The following B3GAT2 variants were observed in gnomAD, a reference collection of about 807,000 sequenced individuals.
B3GAT2 encodes beta-1,3-glucuronyltransferase 2, also known as galactosylgalactosylxylosylprotein 3-beta-glucuronosyltransferase 2.
Under a neutral mutation model 27.8 loss-of-function variants are expected in B3GAT2, and 26 were observed. The ratio of observed to expected loss-of-function variants is 0.93; its 90% CI spans 0.68 to 1.30. The LOEUF (loss-of-function observed/expected upper bound fraction) is 1.30, where lower values mean the gene tolerates loss of function less well. B3GAT2 is among the 50% of genes most tolerant of loss of function. The probability of loss-of-function intolerance (pLI) is 0.00; values close to 1 mark genes in which losing one functional copy is unlikely to be tolerated. For synonymous variants in B3GAT2, 218 were observed against 195.1 expected, an observed-to-expected ratio of 1.12 and a Z score of -0.98; for missense variants, 458 against 459.0, an observed-to-expected ratio of 1.00 and a Z score of 0.02.
intron 2 of B3GAT2, among the ~76,000 whole-genome samples, chr6:70,864,060 C>T (rs1288940957): frequency 7.5e-6 from 1 of 134,006 alleles, no homozygotes; most frequent in African/African-American, 2.7e-5. Context: ...TAAGCTTTAT[C>T]CTTTTTTTTT....
At chr6:70,943,649 C>T (rs552691472) in intron 1 of B3GAT2, among the ~76,000 whole-genome samples, 21 of 152,028 alleles carry the variant, frequency 1.4e-4, no homozygotes, top group Admixed American at 1.3e-4. Context: ...CACAAGAATA[C>T]GTAGTTTAAA....
intron 1 of B3GAT2, among the ~76,000 whole-genome samples, chr6:70,946,098 G>T (rs1765478565): frequency 1.3e-5 from 2 of 152,048 alleles, no homozygotes; most frequent in African/African-American, 4.8e-5. Flanking sequence ...GGCACAACCG[G>T]TACCAGCCAC....
Position 70,857,042 on chromosome 6 carries a change from T to C in B3GAT2, c.*4621A>G. 12 of 1,590,486 alleles carry C rather than the reference T, an allele frequency of 7.5e-6. No homozygotes were observed. Among genetic ancestry groups the C allele is most frequent in the Non-Finnish European group, 1.0e-5 (12 of 1,168,068 alleles). The stretch of plus-strand genomic sequence containing the variant: ...GCAAAGTACTCCTGGTAATGAATTT[T>C]GATATCTGCTTTCAGTGACATTACT... On this transcript the variant is annotated 3_prime_UTR_variant, in exon 4 of 4. Transcript: ENST00000230053.
At chr6:70,899,734 A>C (rs550196425) in intron 1 of B3GAT2, among the ~76,000 whole-genome samples, 2 of 152,310 alleles carry the variant, frequency 1.3e-5, no homozygotes, top group East Asian at 3.9e-4. Context: ...AGCTATTTAC[A>C]GAACTTCTTC....
At position 70,956,953 on chromosome 6, in the gene B3GAT2, G is replaced by C. The variant is rs1272266997; in HGVS notation, c.-524C>G. The C allele has an allele frequency of 9.9e-7, 1 of 1,014,286 alleles. No homozygotes were observed. The highest frequency in any genetic ancestry group is 1.2e-6 in the Non-Finnish European group (1 of 849,424). 62.8% of individuals were successfully genotyped at this position (1,014,286 alleles called of 1,614,324 possible). A position where few individuals can be genotyped will look rare whatever the true frequency, so the allele number is the denominator to read the frequency against. ...CATTCCCGCCGGGGTGGCGAGGAGC[G>C]GGTGGAGACGCTGGGGGTTGTGTCC... On this transcript the variant is annotated 5_prime_UTR_variant, in exon 1 of 4. Coordinates refer to ENST00000230053, the MANE Select transcript of B3GAT2 (RefSeq NM_080742.3).
intron 1 of B3GAT2, among the ~76,000 whole-genome samples, chr6:70,944,341 G>A (rs1765441856): frequency 6.6e-6 from 1 of 152,120 alleles, no homozygotes; most frequent in Non-Finnish European, 1.5e-5. Context: ...GGGTGACAGA[G>A]GGCACCTGGA....
chr6:70,880,915 T>A (rs1415216296), intron 2 of B3GAT2, among the ~76,000 whole-genome samples: 2 of 152,164 alleles, frequency 1.3e-5, no homozygotes, highest in Non-Finnish European at 1.5e-5. Context: ...ACGATTCTCC[T>A]GCCTTCGCCT....
At chr6:70,928,263 C>A (rs1772997019) in intron 1 of B3GAT2, among the ~76,000 whole-genome samples, 1 of 151,648 alleles carries the variant, frequency 6.6e-6, no homozygotes, top group African/African-American at 2.4e-5. Flanking sequence ...CCTAACATCA[C>A]AATTAAAAGA....
At chr6:70,867,470 C>G (rs1471129299) in intron 2 of B3GAT2, among the ~76,000 whole-genome samples, 1 of 152,028 alleles carries the variant, frequency 6.6e-6, no homozygotes, top group East Asian at 1.9e-4. Context: ...AAATTACCAG[C>G]CTCAGAAATG....
At chr6:70,879,585 C>T (rs1452045696) in intron 2 of B3GAT2, among the ~76,000 whole-genome samples, 2 of 152,166 alleles carry the variant, frequency 1.3e-5, no homozygotes, top group Non-Finnish European at 2.9e-5. Context: ...TGATCTGCAT[C>T]TTAGAGTCAT....
chr6:70,914,975 C>T (rs1053944559), intron 1 of B3GAT2, among the ~76,000 whole-genome samples: 17 of 152,258 alleles, frequency 1.1e-4, no homozygotes, highest in African/African-American at 4.1e-4. Context: ...CTTGAGGAAT[C>T]GCCACACTGT....
intron 2 of B3GAT2, among the ~76,000 whole-genome samples, chr6:70,891,748 T>C (rs1046801374): frequency 1.5e-4 from 21 of 144,646 alleles, no homozygotes; most frequent in African/African-American, 4.9e-4. Flanking sequence ...AGAGCTCAGA[T>C]TGTGTGTGTG....
At chr6:70,932,998 T>C (rs1312001474) in intron 1 of B3GAT2, among the ~76,000 whole-genome samples, 1 of 152,120 alleles carries the variant, frequency 6.6e-6, no homozygotes, top group African/African-American at 2.4e-5. Flanking sequence ...TGGGGTCTCA[T>C]GATGTTACCC....
At chr6:70,913,087 T>G (rs1582375900) in intron 1 of B3GAT2, among the ~76,000 whole-genome samples, 1 of 152,158 alleles carries the variant, frequency 6.6e-6, no homozygotes, top group African/African-American at 2.4e-5. Flanking sequence ...CAGTGGTCTA[T>G]CCATCTTATT....
chr6:70,927,720 TAATAATGGGAGAC>T (rs1444201516), intron 1 of B3GAT2, among the ~76,000 whole-genome samples: 12 of 152,062 alleles, frequency 7.9e-5, no homozygotes, highest in African/African-American at 2.7e-4. Flanking sequence ...TCCCAAACAA[TAATAATGGGAGAC>T]AATAATGGGA....
intron 2 of B3GAT2, among the ~76,000 whole-genome samples, chr6:70,884,294 C>T (rs1772147847): frequency 6.6e-6 from 1 of 152,042 alleles, no homozygotes; most frequent in African/African-American, 2.4e-5. Context: ...GTATACAGCT[C>T]GGCATCCCCC....
chr6:70,956,840 G>T lies in B3GAT2; in HGVS notation c.-411C>A. The T allele has an allele frequency of 1.9e-6, 2 of 1,057,462 alleles. No homozygotes were observed. Among genetic ancestry groups the T allele is most frequent in the Non-Finnish European group, 2.3e-6 (2 of 875,722 alleles). 65.5% of individuals were successfully genotyped at this position (1,057,462 alleles called of 1,614,324 possible). On this transcript the variant is annotated 5_prime_UTR_variant, in exon 1 of 4. Coordinates refer to ENST00000230053, the MANE Select transcript of B3GAT2 (RefSeq NM_080742.3). ...GCCGCTCCAGTCCGGCGGTGCTGCG[G>T]GCACAAGGGCTCCAGCCGCGGGCCC...
intron 1 of B3GAT2, among the ~76,000 whole-genome samples, chr6:70,934,992 A>C: frequency 6.6e-6 from 1 of 152,228 alleles, no homozygotes; most frequent in Non-Finnish European, 1.5e-5. Flanking sequence ...TCTAAGACAG[A>C]GGCTGATAGC....
At position 70,916,452 on chromosome 6, in the gene B3GAT2, A is replaced by C. The variant is rs112176634; in HGVS notation, c.592-22180T>G. On this transcript the variant is annotated intron_variant, in intron 1 of 3. Coordinates refer to ENST00000230053, the MANE Select transcript of B3GAT2 (RefSeq NM_080742.3). ...AACACGATGTTGAATAGGAGTGGTG[A>C]GAGAGAGCATCCTTGTCTTGTGCCA... Among the ~76,000 whole-genome samples, 546 of 152,306 alleles carry C rather than the reference A, an allele frequency of 3.6e-3. 6 individuals are homozygous for C. Among genetic ancestry groups the C allele is most frequent in the African/African-American group, 0.012 (517 of 41,568 alleles).
Sources: allele counts gnomAD v4.1 joint callset (sites outside exome capture counted in the v4.1 genomes callset), GRCh38; gene constraint gnomAD v4.1.1; transcripts MANE v1.5; gene names NCBI Gene and HGNC (gene_info 2026-07-23, HGNC 2026-07-21).